The following CRHR2 variants were observed in gnomAD, a reference collection of about 807,000 sequenced individuals.
CRHR2 encodes the protein corticotropin-releasing hormone receptor 2.
Under a neutral mutation model 57.9 loss-of-function variants are expected in CRHR2, and 53 were observed. The observed-to-expected ratio is 0.92, with a 90% CI of 0.73 to 1.15. CRHR2 has a LOEUF of 1.15. Ranked by LOEUF, CRHR2 falls within the 50% of genes most tolerant of loss-of-function variation. The probability of loss-of-function intolerance (pLI) is 0.00; values close to 1 mark genes in which losing one functional copy is unlikely to be tolerated. For synonymous variants in CRHR2, 213 were observed against 220.9 expected (o/e 0.96, Z 0.32); for missense variants, 532 against 542.6 (o/e 0.98, Z 0.19).
At chr7:30,699,229 T>C (rs1442383283) in intron 1 of CRHR2, among the ~76,000 whole-genome samples, 1 of 152,146 alleles carries the variant, frequency 6.6e-6, no homozygotes, top group Non-Finnish European at 1.5e-5. Context: ...AGCTCTCTTT[T>C]GATGGTCGCT....
chr7:30,683,354 G>A (rs79044757), upstream of CRHR2, among the ~76,000 whole-genome samples: 363 of 152,284 alleles, frequency 2.4e-3, no homozygotes, highest in African/African-American at 8.1e-3. Flanking sequence ...GGGCAGGGGC[G>A]GGGAGAATCA....
intron 2 of CRHR2, among the ~76,000 whole-genome samples, chr7:30,670,979 G>A (rs1784335139): frequency 6.6e-6 from 1 of 152,160 alleles, no homozygotes; most frequent in Admixed American, 6.5e-5. Flanking sequence ...CCATTACAAT[G>A]GGCTCTCCCC....
At position 30,665,099 on chromosome 7, in the gene CRHR2, C is replaced by T. The variant is rs756036342; in HGVS notation, c.514G>A (p.Val172Ile). The change falls in exon 5 of 12, where the codon GTT becomes ATT. Residue 172 changes from valine to isoleucine, a missense_variant. Val to Ile is a conservative substitution (Grantham distance 29, BLOSUM62 3). Transcript: ENST00000471646. The surrounding 1 kb of genome is among the most constrained non-coding windows in gnomAD (Gnocchi z 4.5). ...TTGCTCTCGTGCACTTCATGGTCAA[C>T]GAGCTGCAGCAGGAACCACATGACA... ...RNVMWFLLQL[V>I]DHEVHESNEV... is the part of the protein sequence containing the mutation. 8.7e-6 allele frequency: 14 copies of T among 1,613,900 alleles called. No homozygotes were observed. The East Asian group carries it at 1.3e-4, about 15-fold the overall frequency.
chr7:30,694,807 A>G (rs1194984775), intron 1 of CRHR2, among the ~76,000 whole-genome samples: 1 of 151,240 alleles, frequency 6.6e-6, no homozygotes, highest in Non-Finnish European at 1.5e-5. Context: ...TTGGAGGAGA[A>G]GACTGGAAAA....
At chr7:30,661,658 C>A (rs138113848) in intron 7 of CRHR2, among the ~76,000 whole-genome samples, 78 of 152,268 alleles carry the variant, frequency 5.1e-4, no homozygotes, top group Non-Finnish European at 1.0e-3. Flanking sequence ...GCCAGAGTTG[C>A]TGTCATTTGG....
chr7:30,686,616 C>A, upstream of CRHR2: 1 of 1,105,656 alleles, frequency 9.0e-7, no homozygotes, highest in Non-Finnish European at 1.3e-6. Flanking sequence ...CAAGACCAGC[C>A]TACAAAAAAT....
chr7:30,682,237 C>T lies in CRHR2; in HGVS notation c.44G>A (p.Ser15Asn). 6.3e-7 allele frequency: 1 copy of T among 1,589,876 alleles called. No homozygotes were observed. Among genetic ancestry groups the T allele is most frequent in the Non-Finnish European group, 8.5e-7 (1 of 1,175,402 alleles). ...GAGCAGCTCTTCAGCCAGCGCCAGG[C>T]TGCAGTTGGCCTCCAGCAGGCTGTG... ...LLHSLLEANC[S>N]LALAEELLLD... Residue 15 changes from serine to asparagine, a missense_variant, in exon 1 of 12, where the codon AGC becomes AAC. Ser to Asn is a conservative substitution (Grantham distance 46, BLOSUM62 1). Transcript: ENST00000471646.
Position 30,655,943 on chromosome 7 carries a change from C to T in CRHR2, c.901G>A (p.Glu301Lys), listed in dbSNP as rs746635689. 1.1e-5 allele frequency: 17 copies of T among 1,612,496 alleles called. No homozygotes were observed. Among genetic ancestry groups the T allele is most frequent in the East Asian group, 2.2e-5 (1 of 44,818 alleles). The part of the protein sequence containing the change: ...MTKLRASTTS[E>K]TIQYRKAVKA... ...CTCACATACCTGTACTGGATTGTCT[C>T]GGATGTGGTGGACGCGCGTAACTTT... The change falls in exon 9 of 12, where the codon GAG becomes AAG. Residue 301 changes from glutamate (E) to lysine (K), a missense_variant. Glu to Lys is a moderately conservative substitution (Grantham distance 56). Coordinates refer to ENST00000471646, the MANE Select transcript of CRHR2 (RefSeq NM_001883.5).
intron 2 of CRHR2, chr7:30,688,946 G>C (rs1320488989): frequency 1.6e-6 from 1 of 615,228 alleles, no homozygotes; most frequent in Non-Finnish European, 3.0e-6. Context: ...CTTCCATCGT[G>C]GGAGCTGGGA....
At chr7:30,684,298 A>C (rs1163115661), upstream of CRHR2, among the ~76,000 whole-genome samples, 2 of 152,246 alleles carry the variant, frequency 1.3e-5, no homozygotes, top group Non-Finnish European at 2.9e-5. Flanking sequence ...ACAGGGCAAT[A>C]GTGTCCCTCA....
chr7:30,665,130 C>A lies in CRHR2; in HGVS notation c.483G>T (p.Leu161=). The change falls in exon 5 of 12, where the codon CTG becomes CTT. Residue 161 remains leucine (L), a synonymous_variant. Transcript: ENST00000471646. This position sits in a 1 kb window ranked among gnomAD's most constrained non-coding sequence, Gnocchi z 4.5. The part of the protein sequence containing the change: ...IHWNLITTFI[L]RNVMWFLLQL... ...GCAGCAGGAACCACATGACATTTCG[C>A]AGGATAAAGGTGGTGATGAGGTTCC... The A allele has an allele frequency of 6.2e-7, 1 of 1,614,114 alleles. No individual in the cohort carries two copies. The highest frequency in any genetic ancestry group is 1.3e-5 in the African/African-American group (1 of 75,022).
chr7:30,660,425 A>C (rs1783950027), intron 8 of CRHR2, 148 bp downstream of exon 8: 1 of 755,830 alleles, frequency 1.3e-6, no homozygotes, highest in African/African-American at 1.7e-5. Flanking sequence ...GCTGGGGCAC[A>C]GGGTGGCATG....
In CRHR2 at chr7:30,682,454, A is replaced by G; in HGVS notation, c.-174T>C. ...CACCTCCGGTCGCCCAGAGCTGTCA[A>G]GTGGGGACCTTCCCGGAGAGGAGCC... On this transcript the variant is annotated 5_prime_UTR_variant, in exon 1 of 12. Transcript: ENST00000471646. The G allele has an allele frequency of 7.5e-7, 1 of 1,340,518 alleles. No homozygotes were observed. Among genetic ancestry groups the G allele is most frequent in the South Asian group, 1.9e-5 (1 of 52,152 alleles). The allele number at this position is 1,340,518 out of a possible 1,614,324, so 83.0% of individuals were successfully genotyped here.
chr7:30,654,496 C>G (rs569652079), intron 11 of CRHR2, among the ~76,000 whole-genome samples: 2 of 152,230 alleles, frequency 1.3e-5, no homozygotes, highest in Non-Finnish European at 2.9e-5. Context: ...GCTCCATGTC[C>G]TCATCCACCC....
intron 2 of CRHR2, among the ~76,000 whole-genome samples, chr7:30,688,516 C>T (rs540823442): frequency 9.2e-5 from 14 of 152,194 alleles, no homozygotes; most frequent in Non-Finnish European, 1.2e-4. Context: ...TTCTCTTTGA[C>T]GCCTGGCTTG....
In CRHR2 at chr7:30,682,423, G is replaced by A; in HGVS notation, c.-143C>T. 2 of 1,358,360 alleles carry A rather than the reference G, an allele frequency of 1.5e-6. No homozygotes were observed. The highest frequency in any genetic ancestry group is 3.1e-5 in the East Asian group (1 of 32,260). The allele number at this position is 1,358,360 out of a possible 1,614,324, so 84.1% of individuals were successfully genotyped here. On this transcript the variant is annotated 5_prime_UTR_variant, in exon 1 of 12. Transcript: ENST00000471646. ...AGCCCCGATCTCCCGGGCAGCCTTT[G>A]GGCGCCACCTCCGGTCGCCCAGAGC...
At chr7:30,690,857 G>A (rs984830720) in intron 1 of CRHR2, among the ~76,000 whole-genome samples, 1 of 152,344 alleles carries the variant, frequency 6.6e-6, no homozygotes, top group South Asian at 2.1e-4. Context: ...ACGAAGTGAG[G>A]TAGAGAGGGA....
At chr7:30,688,596 C>G (rs1254851536) in intron 2 of CRHR2, among the ~76,000 whole-genome samples, 1 of 152,226 alleles carries the variant, frequency 6.6e-6, no homozygotes, top group Non-Finnish European at 1.5e-5. Flanking sequence ...GCAGTGGCCC[C>G]AGGCCCGAGC....
chr7:30,654,538 G>A (rs756901763), intron 11 of CRHR2, among the ~76,000 whole-genome samples: 7 of 152,192 alleles, frequency 4.6e-5, no homozygotes, highest in Admixed American at 1.3e-4. Flanking sequence ...TCTTCCCTGC[G>A]TCAGCTGCAC....
Sources: gnomAD v4.1 joint callset for allele counts (sites outside exome capture counted in the v4.1 genomes callset) on GRCh38, gnomAD v4.1.1 for gene constraint, Gnocchi (gnomAD v3.1) non-coding constraint, MANE v1.5 for transcripts, NCBI Gene and HGNC (gene_info 2026-07-23, HGNC 2026-07-21) for gene names.